Variants in RAPGEF4 observed in about 807,000 individuals in gnomAD.
RAPGEF4 encodes the protein Rap guanine nucleotide exchange factor 4.
A neutral mutation model predicts 147.9 loss-of-function variants in RAPGEF4; 66 were observed. The observed-to-expected ratio is 0.45, with a 90% CI of 0.37 to 0.55. The LOEUF is 0.55. Ranked by LOEUF, RAPGEF4 falls within the 20% of genes least tolerant of loss-of-function variation. The probability of loss-of-function intolerance (pLI) is 0.00; values close to 1 mark genes in which losing one functional copy is unlikely to be tolerated. For missense variants in RAPGEF4, 1,071 were observed against 1,257.3 expected, an observed-to-expected ratio of 0.85 and a Z score of 2.24; for synonymous variants, 419 against 442.7, an observed-to-expected ratio of 0.95 and a Z score of 0.67.
At chr2:172,763,773 T>C (rs998628312) in intron 1 of RAPGEF4, among the ~76,000 whole-genome samples, 10 of 152,226 alleles carry the variant, frequency 6.6e-5, no homozygotes, top group African/African-American at 2.4e-4. Context: ...AATGTTGACT[T>C]TTCCAGTTTA....
chr2:172,956,406 G>T (rs1217683522), intron 6 of RAPGEF4, among the ~76,000 whole-genome samples: 1 of 151,712 alleles, frequency 6.6e-6, no homozygotes, highest in Non-Finnish European at 1.5e-5. Context: ...TGGTATATTT[G>T]TCTTAGCCCT....
intron 4 of RAPGEF4, among the ~76,000 whole-genome samples, chr2:172,823,951 A>G (rs2149641320): frequency 6.6e-6 from 1 of 152,296 alleles, no homozygotes; most frequent in East Asian, 1.9e-4. Context: ...CTTTACTTAA[A>G]TCCTGCCTTG....
At chr2:172,990,398 G>T (rs954967962) in intron 14 of RAPGEF4, among the ~76,000 whole-genome samples, 2 of 152,142 alleles carry the variant, frequency 1.3e-5, no homozygotes, top group African/African-American at 4.8e-5. Flanking sequence ...GCAGTCTTTT[G>T]ATTAAAGAGA....
chr2:172,887,481 C>G (rs1697371102), intron 4 of RAPGEF4, among the ~76,000 whole-genome samples: 1 of 152,246 alleles, frequency 6.6e-6, no homozygotes, highest in Non-Finnish European at 1.5e-5. Flanking sequence ...GGTTGTGAAA[C>G]TATGGCCTGT....
At chr2:172,978,240 T>C (rs1438751046) in intron 10 of RAPGEF4, among the ~76,000 whole-genome samples, 3 of 152,192 alleles carry the variant, frequency 2.0e-5, no homozygotes, top group Non-Finnish European at 4.4e-5. Flanking sequence ...GGGCTGTCCC[T>C]GCAAGGAGGC....
chr2:173,014,225 G>T (rs1406715701), intron 17 of RAPGEF4, among the ~76,000 whole-genome samples: 1 of 152,164 alleles, frequency 6.6e-6, no homozygotes, highest in Non-Finnish European at 1.5e-5. Flanking sequence ...TCCAGGAGGA[G>T]TCTGTGAAAG....
At chr2:172,817,692 G>A (rs1460159809) in intron 4 of RAPGEF4, among the ~76,000 whole-genome samples, 5 of 151,942 alleles carry the variant, frequency 3.3e-5, no homozygotes, top group African/African-American at 1.2e-4. Context: ...ATTCCTTAAT[G>A]AACAAAAATA....
In RAPGEF4 at chr2:173,014,606, T is replaced by G; in HGVS notation, c.1801T>G (p.Phe601Val). ...LLQEDDVSMAFLEEFYVSVSD... is the reference protein window; with the variant it reads ...LLQEDDVSMAVLEEFYVSVSD... ...GCAAGAGGATGACGTGTCTATGGCC[T>G]TCCTGGAGGTAGGCAGGGGTCATCT... The change falls in exon 18 of 31, where the codon TTC becomes GTC. Residue 601 changes from phenylalanine to valine, a missense_variant. Coordinates refer to ENST00000397081, the MANE Select transcript of RAPGEF4 (RefSeq NM_007023.4). The G allele has an allele frequency of 6.2e-7, 1 of 1,612,804 alleles. No individual in the cohort carries two copies. Among genetic ancestry groups the G allele is most frequent in the Non-Finnish European group, 8.5e-7 (1 of 1,179,140 alleles).
chr2:173,026,342 C>G (rs1037856505), intron 23 of RAPGEF4, among the ~76,000 whole-genome samples: 1 of 152,246 alleles, frequency 6.6e-6, no homozygotes, highest in South Asian at 2.1e-4. Flanking sequence ...TTATTTGCCG[C>G]GGTTCACATT....
At chr2:172,779,427 G>T (rs957629013) in intron 1 of RAPGEF4, among the ~76,000 whole-genome samples, 2 of 152,108 alleles carry the variant, frequency 1.3e-5, no homozygotes, top group African/African-American at 2.4e-5. Context: ...AGTATCCCTG[G>T]CAGAAGGAAT....
At chr2:172,875,935 T>C (rs151236522) in intron 4 of RAPGEF4, among the ~76,000 whole-genome samples, 141 of 152,322 alleles carry the variant, frequency 9.3e-4, no homozygotes, top group African/African-American at 2.8e-3. Flanking sequence ...CAGTGGTTTG[T>C]AGTTCTCCTT....
intron 25 of RAPGEF4, among the ~76,000 whole-genome samples, chr2:173,028,746 C>T (rs1011211198): frequency 1.3e-5 from 2 of 152,080 alleles, no homozygotes; most frequent in Admixed American, 6.6e-5. Context: ...TTTTTAAATC[C>T]GAGATCTACA....
At chr2:172,858,412 G>T (rs562129119) in intron 4 of RAPGEF4, among the ~76,000 whole-genome samples, 1 of 152,304 alleles carries the variant, frequency 6.6e-6, no homozygotes, top group African/African-American at 2.4e-5. Flanking sequence ...GCCTGTGTAT[G>T]TGCTCCTGGA....
chr2:172,737,692 T>C (rs1185997686), intron 1 of RAPGEF4, among the ~76,000 whole-genome samples: 1 of 148,256 alleles, frequency 6.7e-6, no homozygotes, highest in Non-Finnish European at 1.5e-5. Flanking sequence ...CCATTCATAA[T>C]GGGAAAAAAA....
At chr2:172,762,046 C>T (rs1011079631) in intron 1 of RAPGEF4, among the ~76,000 whole-genome samples, 1 of 152,142 alleles carries the variant, frequency 6.6e-6, no homozygotes, top group Non-Finnish European at 1.5e-5. Flanking sequence ...TGCTTGAACC[C>T]AAGAGGCGGA....
chr2:172,903,509 G>A (rs566039414), intron 4 of RAPGEF4, among the ~76,000 whole-genome samples: 14 of 151,436 alleles, frequency 9.2e-5, no homozygotes, highest in African/African-American at 2.9e-4. Context: ...CTGCATTCCA[G>A]CCTGGGCGAC....
intron 4 of RAPGEF4, among the ~76,000 whole-genome samples, chr2:172,877,961 GA>G (rs1696157432): frequency 6.6e-6 from 1 of 152,174 alleles, no homozygotes; most frequent in African/African-American, 2.4e-5. Context: ...GCTAAGAATA[GA>G]GGCAAATAAA....
intron 5 of RAPGEF4, among the ~76,000 whole-genome samples, chr2:172,921,688 A>G (rs1263518840): frequency 2.6e-5 from 4 of 152,252 alleles, no homozygotes; most frequent in Admixed American, 2.6e-4. Context: ...TTGTAAATCA[A>G]TGACAAATGA....
intron 18 of RAPGEF4, 147 bp downstream of exon 18, chr2:173,014,761 A>G (rs1695354077): frequency 7.6e-6 from 6 of 790,048 alleles, no homozygotes; most frequent in Non-Finnish European, 1.1e-5. Flanking sequence ...GAACTACAGA[A>G]AAAGTAAGGA....
Sources: gnomAD v4.1 joint callset for allele counts (sites outside exome capture counted in the v4.1 genomes callset) on GRCh38, gnomAD v4.1.1 for gene constraint, MANE v1.5 for transcripts, NCBI Gene and HGNC (gene_info 2026-07-23, HGNC 2026-07-21) for gene names.